Variants in LONP2 observed in about 807,000 individuals in gnomAD.
LONP2 encodes the protein lon protease homolog 2, peroxisomal.
In LONP2, 60 loss-of-function variants were observed where a neutral mutation model predicts 85.6. The observed-to-expected ratio is 0.70, with a 90% CI of 0.57 to 0.87. LONP2 has a LOEUF of 0.87. Ranked by LOEUF, LONP2 falls within the 40% of genes least tolerant of loss-of-function variation. The probability of loss-of-function intolerance (pLI) is 0.00; values close to 1 mark genes in which losing one functional copy is unlikely to be tolerated. For missense variants in LONP2, 860 were observed against 1,063.5 expected, an observed-to-expected ratio of 0.81 and a Z score of 2.66; for synonymous variants, 395 against 389.7, an observed-to-expected ratio of 1.01 and a Z score of -0.16.
At chr16:48,299,881 T>A in intron 10 of LONP2, 93 bp downstream of exon 10, 1 of 1,314,502 alleles carries the variant, frequency 7.6e-7, no homozygotes, top group South Asian at 1.5e-5. Flanking sequence ...AATATTTGAG[T>A]TTTTCATCTT....
chr16:48,272,699 C>T (rs1367721730), intron 7 of LONP2, among the ~76,000 whole-genome samples: 2 of 152,154 alleles, frequency 1.3e-5, no homozygotes, highest in Admixed American at 6.6e-5. Context: ...ATTTTAGATA[C>T]ACCTTGCTGG....
chr16:48,319,949 TCA>T (rs775356187), intron 11 of LONP2, among the ~76,000 whole-genome samples: 1 of 151,686 alleles, frequency 6.6e-6, no homozygotes, highest in Non-Finnish European at 1.5e-5. Context: ...GGTCACGAGG[TCA>T]GGAGTTCAAG....
chr16:48,296,246 C>A, intron 9 of LONP2, 81 bp downstream of exon 9: 1 of 1,434,794 alleles, frequency 7.0e-7, no homozygotes, highest in Admixed American at 2.1e-5. Context: ...GGAGTTTTGA[C>A]TAAAAGAAGT....
At chr16:48,311,610 A>G (rs1483578695) in intron 11 of LONP2, among the ~76,000 whole-genome samples, 1 of 151,674 alleles carries the variant, frequency 6.6e-6, no homozygotes, top group African/African-American at 2.4e-5. Flanking sequence ...TTTCTCTTGT[A>G]TCTTGTTGAG....
At position 48,289,457 on chromosome 16, in the gene LONP2, G is replaced by T. The variant is rs547730093; in HGVS notation, c.1384-6558G>T. 9.3e-4 allele frequency among the ~76,000 whole-genome samples: 142 copies of T among 152,286 alleles called. 1 individual carries two copies. Among genetic ancestry groups the T allele is most frequent in the Non-Finnish European group, 1.7e-3 (116 of 68,018 alleles). ...GTTTCTGATTAGCCTTTCCAAAGGG[G>T]GCAATCAGGTTTACCTCAGTGAGCA... On this transcript the variant is annotated intron_variant, in intron 8 of 14. Transcript: ENST00000285737.
intron 14 of LONP2, among the ~76,000 whole-genome samples, chr16:48,349,986 C>G (rs1229312631): frequency 2.6e-5 from 4 of 152,144 alleles, no homozygotes; most frequent in African/African-American, 9.7e-5. Flanking sequence ...GGCGTGGCAG[C>G]TGACGTCTGT....
chr16:48,277,383 G>A lies in LONP2; in HGVS notation c.1287G>A (p.Leu429=). Residue 429 remains leucine, a synonymous_variant, in exon 8 of 15, where the codon TTG becomes TTA. Coordinates refer to ENST00000285737, the MANE Select transcript of LONP2 (RefSeq NM_031490.5). Reference sequence around the variant, plus strand: ...TGCCTGGTCGCATCATCAACGGCTTGAAGACTGTGGGAGTGAACAACCCAG... The same window carrying A: ...TGCCTGGTCGCATCATCAACGGCTTAAAGACTGTGGGAGTGAACAACCCAG... ...GSMPGRIING[L]KTVGVNNPVF... 1 of 1,613,644 alleles carries A rather than the reference G, an allele frequency of 6.2e-7. No homozygotes were observed. Among genetic ancestry groups the A allele is most frequent in the South Asian group, 1.1e-5 (1 of 91,044 alleles).
chr16:48,272,040 C>T (rs1441632593), intron 7 of LONP2, among the ~76,000 whole-genome samples: 2 of 152,174 alleles, frequency 1.3e-5, no homozygotes, highest in Non-Finnish European at 1.5e-5. Flanking sequence ...GTGAAATTGA[C>T]ATCATAAGCA....
chr16:48,287,430 C>A (rs759700981), intron 8 of LONP2, among the ~76,000 whole-genome samples: 36 of 152,234 alleles, frequency 2.4e-4, no homozygotes, highest in Non-Finnish European at 4.8e-4. Flanking sequence ...TTGCCTCAGG[C>A]AGCTGCAGTG....
At position 48,244,300 on chromosome 16, in the gene LONP2, G is replaced by A; in HGVS notation, c.-89G>A. On this transcript the variant is annotated 5_prime_UTR_variant, in exon 1 of 15. Coordinates refer to ENST00000285737, the MANE Select transcript of LONP2 (RefSeq NM_031490.5). ...TAGCCGGAAGCGGAGGCGTGGAGGC[G>A]GGTCTGAGGTTTGGTGACTGCGGGG... is the stretch of plus-strand genomic sequence containing the variant. 1 of 927,650 alleles carries A rather than the reference G, an allele frequency of 1.1e-6. No homozygotes were observed. The highest frequency in any genetic ancestry group is 1.5e-6 in the Non-Finnish European group (1 of 656,804). The allele number at this position is 927,650 out of a possible 1,614,324, so 57.5% of individuals were successfully genotyped here. A position where few individuals can be genotyped will look rare whatever the true frequency, so the allele number is the denominator to read the frequency against.
intron 6 of LONP2, among the ~76,000 whole-genome samples, chr16:48,267,378 C>T (rs1430030498): frequency 6.6e-6 from 1 of 152,146 alleles, no homozygotes; most frequent in Non-Finnish European, 1.5e-5. Context: ...TGACTCACTG[C>T]AGCCTCCGCC....
intron 11 of LONP2, among the ~76,000 whole-genome samples, chr16:48,325,375 C>CAATTTTGT (rs1279012938): frequency 2.0e-5 from 3 of 152,150 alleles, no homozygotes; most frequent in Non-Finnish European, 4.4e-5. Flanking sequence ...TATTTATCTG[C>CAATTTTGT]AATTTTGTAC....
chr16:48,315,158 T>C (rs1973115135), intron 11 of LONP2, among the ~76,000 whole-genome samples: 1 of 152,196 alleles, frequency 6.6e-6, no homozygotes, highest in Admixed American at 6.5e-5. Flanking sequence ...AAATGACAAT[T>C]CGGTAGGATT....
intron 7 of LONP2, among the ~76,000 whole-genome samples, chr16:48,274,884 A>G (rs1972174820): frequency 6.6e-6 from 1 of 152,096 alleles, no homozygotes; most frequent in South Asian, 2.1e-4. Context: ...ATTCTTTGTA[A>G]ATTTTATTTT....
intron 9 of LONP2, 121 bp from the exon 10 acceptor site, chr16:48,299,541 C>T (rs1972755740): frequency 1.0e-6 from 1 of 986,042 alleles, no homozygotes; most frequent in Admixed American, 2.5e-5. Context: ...GAGATCACGC[C>T]ACTGCACTGC....
chr16:48,293,724 A>G (rs1242519774), intron 8 of LONP2, among the ~76,000 whole-genome samples: 2 of 152,138 alleles, frequency 1.3e-5, no homozygotes, highest in African/African-American at 2.4e-5. Context: ...ACGTATGGGT[A>G]TGGGTCATTT....
intron 11 of LONP2, 32 bp downstream of exon 11, chr16:48,303,337 T>C (rs1334583155): frequency 1.2e-6 from 2 of 1,607,538 alleles, no homozygotes. Context: ...TTCTCAGGCC[T>C]GGTGGCTAGG....
chr16:48,258,577 T>C (rs747552486), intron 3 of LONP2, 41 bp from the exon 4 acceptor site: 6 of 1,553,466 alleles, frequency 3.9e-6, no homozygotes, highest in Non-Finnish European at 5.2e-6. Context: ...GGATTGTGTG[T>C]TTCTGAGAGA....
In LONP2 at chr16:48,352,322, A is replaced by C. The variant is rs1187932670; in HGVS notation, c.*520A>C. On this transcript the variant is annotated 3_prime_UTR_variant, in exon 15 of 15. Coordinates refer to ENST00000285737, the MANE Select transcript of LONP2 (RefSeq NM_031490.5). ...TTACTTAGAACTAGGCAAAGATGAA[A>C]GTATAGCCAACTATTCTTGGCTATA... 2 of 155,732 alleles carry C rather than the reference A, an allele frequency of 1.3e-5. No homozygotes were observed. Among genetic ancestry groups the C allele is most frequent in the East Asian group, 3.8e-4 (2 of 5,290 alleles). The allele number at this position is 155,732 out of a possible 1,614,324, so 9.6% of individuals were successfully genotyped here.
Sources: gnomAD v4.1 joint callset for allele counts (sites outside exome capture counted in the v4.1 genomes callset) on GRCh38, gnomAD v4.1.1 for gene constraint, MANE v1.5 for transcripts, NCBI Gene and HGNC (gene_info 2026-07-23, HGNC 2026-07-21) for gene names.